Variants in FYB1 observed in about 807,000 individuals in gnomAD.
FYB1 encodes FYN binding protein 1.
A neutral mutation model predicts 94.1 loss-of-function variants in FYB1; 41 were observed. That is an observed-to-expected ratio of 0.44 (90% CI 0.34 to 0.57). The LOEUF is 0.57. Ranked by LOEUF, FYB1 falls within the 20% of genes least tolerant of loss-of-function variation. FYB1 has a pLI of 0.02. For synonymous variants in FYB1, 367 were observed against 353.2 expected, an observed-to-expected ratio of 1.04 and a Z score of -0.44; for missense variants, 1,050 against 976.8, an observed-to-expected ratio of 1.07 and a Z score of -1.00.
At chr5:39,253,462 T>A (rs1398816306) in intron 1 of FYB1, among the ~76,000 whole-genome samples, 1 of 152,050 alleles carries the variant, frequency 6.6e-6, no homozygotes, top group Admixed American at 6.6e-5. Context: ...AACAACAAAA[T>A]CTTTTTTTTA....
At chr5:39,180,865 G>T (rs62358727) in intron 2 of FYB1, among the ~76,000 whole-genome samples, 1 of 151,958 alleles carries the variant, frequency 6.6e-6, no homozygotes, top group Non-Finnish European at 1.5e-5. Context: ...TATTACCACC[G>T]TACATTTTTT....
intron 16 of FYB1, among the ~76,000 whole-genome samples, 175 bp downstream of exon 16, chr5:39,118,699 T>C (rs182248474): frequency 6.6e-6 from 1 of 152,294 alleles, no homozygotes; most frequent in Admixed American, 6.5e-5. Context: ...TTAAAATACA[T>C]TGGTTTCAGC....
intron 16 of FYB1, among the ~76,000 whole-genome samples, chr5:39,114,842 C>T (rs1406268331): frequency 2.6e-5 from 4 of 152,114 alleles, no homozygotes; most frequent in East Asian, 1.9e-4. Flanking sequence ...GCTGACATTA[C>T]GATGTTGAGA....
chr5:39,170,160 C>G (rs1415145872), intron 2 of FYB1: 2 of 775,318 alleles, frequency 2.6e-6, no homozygotes, highest in South Asian at 1.4e-5. Context: ...CAGGTCAAGT[C>G]TGATATGTCA....
chr5:39,114,398 A>G (rs1739344442), intron 16 of FYB1, among the ~76,000 whole-genome samples: 1 of 152,224 alleles, frequency 6.6e-6, no homozygotes, highest in African/African-American at 2.4e-5. Flanking sequence ...AATGCCTGTA[A>G]AAGTGGCTGA....
chr5:39,241,311 C>T (rs1029227118), intron 1 of FYB1, among the ~76,000 whole-genome samples: 12 of 152,194 alleles, frequency 7.9e-5, no homozygotes, highest in South Asian at 2.1e-4. Context: ...ACCTCTGAAC[C>T]TAAAATAAAA....
chr5:39,172,854 G>T (rs565652168), intron 2 of FYB1, among the ~76,000 whole-genome samples: 1 of 152,218 alleles, frequency 6.6e-6, no homozygotes, highest in Non-Finnish European at 1.5e-5. Flanking sequence ...CACTGTTGAT[G>T]GGCACCTAGG....
chr5:39,203,907 A>G (rs1382797990), intron 1 of FYB1, among the ~76,000 whole-genome samples: 1 of 152,132 alleles, frequency 6.6e-6, no homozygotes, highest in Non-Finnish European at 1.5e-5. Context: ...GGGAAAGTTA[A>G]TGGTGTGTTT....
At chr5:39,111,071 T>C (rs2150256498) in intron 16 of FYB1, among the ~76,000 whole-genome samples, 1 of 152,132 alleles carries the variant, frequency 6.6e-6, no homozygotes, top group Admixed American at 6.6e-5. Flanking sequence ...TAAGCCATAT[T>C]TTATGCAAGA....
chr5:39,241,126 A>G (rs1208913842), intron 1 of FYB1, among the ~76,000 whole-genome samples: 12 of 152,122 alleles, frequency 7.9e-5, no homozygotes, highest in Admixed American at 7.2e-4. Flanking sequence ...TTCAGTACAC[A>G]TGGACTCAAA....
chr5:39,208,765 T>C (rs749425428), intron 1 of FYB1: 4 of 152,124 alleles, frequency 2.6e-5, no homozygotes, highest in Non-Finnish European at 5.9e-5. Flanking sequence ...ATGCCTTTTG[T>C]TACTCAAACT....
intron 2 of FYB1, among the ~76,000 whole-genome samples, chr5:39,182,433 C>T (rs1207900802): frequency 1.3e-5 from 2 of 151,806 alleles, no homozygotes; most frequent in African/African-American, 2.4e-5. Context: ...TGCCTCAAAA[C>T]AATAAAATAA....
intron 2 of FYB1, among the ~76,000 whole-genome samples, chr5:39,191,983 T>C (rs1311736419): frequency 6.6e-6 from 1 of 152,216 alleles, no homozygotes; most frequent in Non-Finnish European, 1.5e-5. Context: ...TAGAAATCCA[T>C]CATATCAGAA....
At chr5:39,197,384 A>G (rs1446689387) in intron 2 of FYB1, among the ~76,000 whole-genome samples, 1 of 152,222 alleles carries the variant, frequency 6.6e-6, no homozygotes, top group Non-Finnish European at 1.5e-5. Context: ...AAGCCCTGTT[A>G]TATGAAAATT....
chr5:39,229,723 G>A (rs1494688), intron 1 of FYB1, among the ~76,000 whole-genome samples: 1 of 152,110 alleles, frequency 6.6e-6, no homozygotes, highest in East Asian at 1.9e-4. Context: ...CCATTTTATA[G>A]ATAAGGGCAA....
At position 39,202,739 on chromosome 5, in the gene FYB1, A is replaced by G. The variant is rs1247979701; in HGVS notation, c.222T>C (p.Pro74=). ...VAVKPSSEEK[P]DKEPKPPFLK... ...GAAACGGGGGCTTGGGTTCCTTGTC[A>G]GGCTTTTCCTCAGAAGAAGGTTTGA... is the stretch of plus-strand genomic sequence containing the variant. The change falls in exon 2 of 19, where the codon CCT becomes CCC. Residue 74 remains proline, a synonymous_variant. Coordinates refer to ENST00000512982, the MANE Select transcript of FYB1 (RefSeq NM_001465.6). 6.2e-7 allele frequency: 1 copy of G among 1,613,764 alleles called. No homozygotes were observed. The highest frequency in any genetic ancestry group is 8.5e-7 in the Non-Finnish European group (1 of 1,179,868).
At chr5:39,216,667 G>A (rs1180838657) in intron 1 of FYB1, among the ~76,000 whole-genome samples, 1 of 152,184 alleles carries the variant, frequency 6.6e-6, no homozygotes, top group Non-Finnish European at 1.5e-5. Context: ...AGGAAGAAGG[G>A]AAGAAAGACT....
chr5:39,165,440 C>T (rs936972266), intron 2 of FYB1, among the ~76,000 whole-genome samples: 2 of 152,082 alleles, frequency 1.3e-5, no homozygotes, highest in African/African-American at 4.8e-5. Context: ...CTGCCATATG[C>T]ATAAGAATGA....
intron 2 of FYB1, chr5:39,169,152 T>A (rs753372059): frequency 1.2e-5 from 9 of 741,304 alleles, no homozygotes; most frequent in Non-Finnish European, 2.0e-5. Flanking sequence ...ATTGGCCTTC[T>A]TGCAGATCCC....
Sources: gnomAD v4.1 joint callset for allele counts (sites outside exome capture counted in the v4.1 genomes callset) on GRCh38, gnomAD v4.1.1 for gene constraint, MANE v1.5 for transcripts, NCBI Gene and HGNC (gene_info 2026-07-23, HGNC 2026-07-21) for gene names.